Variants in CDH7 observed in about 807,000 individuals in gnomAD.
CDH7 encodes cadherin 7.
CDH7 carries 25 observed loss-of-function variants against 71.8 expected under a neutral mutation model. That is an observed-to-expected ratio of 0.35 (90% CI 0.25 to 0.49). The LOEUF (loss-of-function observed/expected upper bound fraction) is 0.49, where lower values mean the gene tolerates loss of function less well. Among genes scored for constraint, CDH7 ranks in the 20% least tolerant of loss-of-function variants. CDH7 has a pLI of 0.99. For synonymous variants in CDH7, 381 were observed against 363.8 expected, an observed-to-expected ratio of 1.05 and a Z score of -0.54; for missense variants, 862 against 974.6, an observed-to-expected ratio of 0.88 and a Z score of 1.54.
At chr18:65,766,457 G>A (rs1247429580) in intron 2 of CDH7, among the ~76,000 whole-genome samples, 1 of 152,056 alleles carries the variant, frequency 6.6e-6, no homozygotes, top group Non-Finnish European at 1.5e-5. Context: ...GACCAGGAGT[G>A]CTTCTAGAAC....
At chr18:65,781,762 C>CT in intron 2 of CDH7, among the ~76,000 whole-genome samples, 1 of 39,130 alleles carries the variant, frequency 2.6e-5, no homozygotes, top group Middle Eastern at 0.017. Context: ...TTCTTTCTTT[C>CT]TTTCTTTCCT....
intron 6 of CDH7, among the ~76,000 whole-genome samples, chr18:65,837,868 G>T (rs576237655): frequency 1.3e-5 from 2 of 151,990 alleles, no homozygotes; most frequent in South Asian, 4.2e-4. Flanking sequence ...CCTCATCCAA[G>T]GTTGTAGATC....
At chr18:65,783,683 A>G (rs1039080509) in intron 2 of CDH7, among the ~76,000 whole-genome samples, 2 of 152,184 alleles carry the variant, frequency 1.3e-5, no homozygotes, top group African/African-American at 2.4e-5. Context: ...GTAGGCTGCA[A>G]TGGGGGTTCA....
intron 2 of CDH7, among the ~76,000 whole-genome samples, chr18:65,797,936 G>A (rs1331037125): frequency 1.3e-5 from 2 of 152,066 alleles, no homozygotes; most frequent in Non-Finnish European, 2.9e-5. Context: ...GTTTGACCCA[G>A]GAAGATTTTA....
At chr18:65,829,625 T>C (rs1361538177) in intron 6 of CDH7, among the ~76,000 whole-genome samples, 1 of 152,052 alleles carries the variant, frequency 6.6e-6, no homozygotes, top group African/African-American at 2.4e-5. Flanking sequence ...AACCTCCCCC[T>C]GCCTGTTGAC....
intron 2 of CDH7, among the ~76,000 whole-genome samples, chr18:65,768,220 TTG>T (rs1491059544): frequency 6.0e-4 from 56 of 93,760 alleles, no homozygotes; most frequent in Middle Eastern, 5.8e-3. Context: ...ATATGCGTTG[TTG>T]TTTTTTTTTT....
At chr18:65,864,344 A>C (rs1370715858) in intron 11 of CDH7, among the ~76,000 whole-genome samples, 1 of 151,720 alleles carries the variant, frequency 6.6e-6, no homozygotes, top group African/African-American at 2.4e-5. Context: ...AAATTCTTAA[A>C]TGTTCTTAAA....
At chr18:65,755,354 T>C (rs1916001682) in intron 1 of CDH7, among the ~76,000 whole-genome samples, 1 of 152,234 alleles carries the variant, frequency 6.6e-6, no homozygotes, top group African/African-American at 2.4e-5. Context: ...AAACATGTCA[T>C]CAATCTGTGG....
intron 6 of CDH7, among the ~76,000 whole-genome samples, chr18:65,831,871 C>T (rs748315996): frequency 9.9e-5 from 15 of 151,704 alleles, no homozygotes; most frequent in Non-Finnish European, 2.1e-4. Flanking sequence ...AAAATTATAC[C>T]GAGATAAACA....
Position 65,885,969 on chromosome 18 carries a change from G to C in CDH7, c.*5075G>C, listed in dbSNP as rs1264301470. On this transcript the variant is annotated 3_prime_UTR_variant, in exon 12 of 12. Transcript: ENST00000397968. ...TTAATCTCATTGTTAACAGAATATA[G>C]AGTGTGAATTATTTGTTATTAAATG... is the stretch of plus-strand genomic sequence containing the variant. 6.6e-6 allele frequency: 1 copy of C among 152,148 alleles called. No individual in the cohort carries two copies. Among genetic ancestry groups the C allele is most frequent in the African/African-American group, 2.4e-5 (1 of 41,426 alleles). 9.4% of individuals were successfully genotyped at this position (152,148 alleles called of 1,614,324 possible). A position where few individuals can be genotyped will look rare whatever the true frequency, so the allele number is the denominator to read the frequency against.
intron 4 of CDH7, among the ~76,000 whole-genome samples, chr18:65,821,238 T>C (rs529891870): frequency 1.3e-5 from 2 of 152,142 alleles, no homozygotes; most frequent in East Asian, 3.9e-4. Context: ...ATTTGCTTTG[T>C]TGTAAATTTA....
chr18:65,751,815 T>C (rs528277148), intron 1 of CDH7, among the ~76,000 whole-genome samples: 1 of 152,278 alleles, frequency 6.6e-6, no homozygotes, highest in Admixed American at 6.5e-5. Context: ...GTGGACTTCT[T>C]CATGGGTGCA....
intron 2 of CDH7, among the ~76,000 whole-genome samples, chr18:65,779,126 G>C (rs1202477430): frequency 6.8e-6 from 1 of 148,110 alleles, no homozygotes; most frequent in Admixed American, 6.7e-5. Flanking sequence ...AGTAAATTTT[G>C]TAGATGCAAA....
intron 7 of CDH7, among the ~76,000 whole-genome samples, chr18:65,846,687 T>C (rs1912946487): frequency 6.6e-6 from 1 of 152,184 alleles, no homozygotes; most frequent in African/African-American, 2.4e-5. Flanking sequence ...TCTCACGCAT[T>C]CTCTGGAAGA....
chr18:65,803,729 A>G (rs1189140672), intron 2 of CDH7: 1 of 152,072 alleles, frequency 6.6e-6, no homozygotes, highest in East Asian at 1.9e-4. Context: ...CATTGTTTAA[A>G]TCTACCTTCT....
intron 2 of CDH7, among the ~76,000 whole-genome samples, chr18:65,804,186 G>T (rs942676030): frequency 6.6e-6 from 1 of 151,716 alleles, no homozygotes; most frequent in Non-Finnish European, 1.5e-5. Context: ...TTTTTCAAAG[G>T]CAAAGACATC....
rs933702927 is a variant in CDH7 at position 65,877,427 on chromosome 18, A to T, written c.1865-2974A>T. Among the ~76,000 whole-genome samples the T allele has an allele frequency of 2.0e-5, 3 of 152,142 alleles. No individual in the cohort carries two copies. In the East Asian group the frequency reaches 5.8e-4, roughly 29 times the overall value. The stretch of plus-strand genomic sequence containing the variant: ...TATATAGCAATATATTTATGACAAA[A>T]TTTATTATAATTAAAGAATTTATAA... On this transcript the variant is annotated intron_variant, in intron 11 of 11. Transcript: ENST00000397968.
intron 7 of CDH7, among the ~76,000 whole-genome samples, chr18:65,853,976 G>C: frequency 8.0e-6 from 1 of 125,238 alleles, no homozygotes; most frequent in Non-Finnish European, 1.6e-5. Context: ...TGAGATCTAA[G>C]TGGGGATTAT....
chr18:65,836,785 C>T (rs1912546923), intron 6 of CDH7, among the ~76,000 whole-genome samples: 1 of 152,036 alleles, frequency 6.6e-6, no homozygotes, highest in South Asian at 2.1e-4. Context: ...ACTTATTTTA[C>T]TGTTTTTCAG....
Sources: allele counts gnomAD v4.1 joint callset (sites outside exome capture counted in the v4.1 genomes callset), GRCh38; gene constraint gnomAD v4.1.1; transcripts MANE v1.5; gene names NCBI Gene and HGNC (gene_info 2026-07-23, HGNC 2026-07-21).